Variants in MMP17 observed in about 807,000 individuals in gnomAD.
MMP17 encodes the protein matrix metallopeptidase 17.
MMP17 carries 54 observed loss-of-function variants against 49.1 expected under a neutral mutation model. That is an observed-to-expected ratio of 1.10 (90% CI 0.88 to 1.38). The LOEUF (loss-of-function observed/expected upper bound fraction) is 1.38, where lower values mean the gene tolerates loss of function less well. Among genes scored for constraint, MMP17 ranks in the 40% most tolerant of loss-of-function variants. The pLI is 0.00. For missense variants in MMP17, 837 were observed against 853.7 expected (o/e 0.98, Z 0.24); for synonymous variants, 397 against 383.1 (o/e 1.04, Z -0.42).
Position 131,846,999 on chromosome 12 carries a change from G to A in MMP17, c.1204+1550G>A, listed in dbSNP as rs902829186. Among the ~76,000 whole-genome samples, 1 of 151,962 alleles carries A rather than the reference G, an allele frequency of 6.6e-6. No homozygotes were observed. Among genetic ancestry groups the A allele is most frequent in the African/African-American group, 2.4e-5 (1 of 41,356 alleles). ...CCCTCCTGAAGGGACAGAGGCTGCA[G>A]CTACCTGGGAGGCTGAGGCAGGAGG... On this transcript the variant is annotated intron_variant, in intron 8 of 9. Transcript: ENST00000360564. This position sits in a 1 kb window ranked among gnomAD's most constrained non-coding sequence, Gnocchi z 4.6.
intron 6 of MMP17, chr12:131,844,885 C>T (rs992543317): frequency 1.8e-5 from 10 of 551,020 alleles, no homozygotes; most frequent in African/African-American, 9.5e-5. Flanking sequence ...CTGCCCTCCC[C>T]GCAGCTCCCT....
At chr12:131,845,628 C>T (rs952199853) in intron 8 of MMP17, among the ~76,000 whole-genome samples, 179 bp downstream of exon 8, 2 of 152,194 alleles carry the variant, frequency 1.3e-5, no homozygotes, top group African/African-American at 2.4e-5. Flanking sequence ...CTGTATGCCC[C>T]GTCCTGAGGC....
intron 1 of MMP17, among the ~76,000 whole-genome samples, chr12:131,832,380 T>C (rs1173755443): frequency 3.9e-4 from 4 of 10,282 alleles, no homozygotes; most frequent in African/African-American, 1.7e-3. Flanking sequence ...GAGGATCTTG[T>C]GGGGGAACGG....
At chr12:131,849,037 C>T (rs1887844273) in intron 8 of MMP17, among the ~76,000 whole-genome samples, 1 of 152,222 alleles carries the variant, frequency 6.6e-6, no homozygotes, top group Admixed American at 6.5e-5. Flanking sequence ...CCGGCAGCGC[C>T]CGGCTCTGCC....
chr12:131,848,766 C>T (rs1887831161), intron 8 of MMP17, among the ~76,000 whole-genome samples: 1 of 152,182 alleles, frequency 6.6e-6, no homozygotes, highest in Non-Finnish European at 1.5e-5. Flanking sequence ...TCCTTCCTGG[C>T]TGAGGCTGAG....
rs561420228 is a variant in MMP17, at chr12:131,838,668, G to C, written c.349G>C (p.Val117Leu). 7 of 1,611,024 alleles carry C rather than the reference G, an allele frequency of 4.3e-6. No homozygotes were observed. In the South Asian group the frequency reaches 7.7e-5, roughly 18 times the overall value. The change falls in exon 3 of 10, where the codon GTC becomes CTC. Residue 117 changes from valine to leucine, a missense_variant. Physicochemically the swap from Val to Leu is conservative, Grantham distance 32. Coordinates refer to ENST00000360564, the MANE Select transcript of MMP17 (RefSeq NM_016155.7). ...TPRCSLPDLPVLTQARRRRQA... is the reference protein window; with the variant it reads ...TPRCSLPDLPLLTQARRRRQA... ...ACGCTGCTCCCTGCCAGACCTCCCTGTCCTGACCCAGGCTCGCAGGAGACG... is the reference window on the plus strand; with the variant it reads ...ACGCTGCTCCCTGCCAGACCTCCCTCTCCTGACCCAGGCTCGCAGGAGACG...
rs780812264 is a variant in MMP17 at position 131,851,605 on chromosome 12, G to A, written c.*331G>A. ...GGGGCCCACCCCTCTCTGTGCCGGCGCCACCAACCCCACCCACACTGCTGC... is the reference window on the plus strand; with the variant it reads ...GGGGCCCACCCCTCTCTGTGCCGGCACCACCAACCCCACCCACACTGCTGC... On this transcript the variant is annotated 3_prime_UTR_variant, in exon 10 of 10. Transcript: ENST00000360564. The A allele has an allele frequency of 6.5e-5, 19 of 291,612 alleles. No individual in the cohort carries two copies. The highest frequency in any genetic ancestry group is 2.2e-4 in the East Asian group (4 of 18,560). The allele number at this position is 291,612 out of a possible 1,614,324, so 18.1% of individuals were successfully genotyped here.
At chr12:131,834,347 C>G (rs1213476419) in intron 1 of MMP17, among the ~76,000 whole-genome samples, 1 of 152,144 alleles carries the variant, frequency 6.6e-6, no homozygotes, top group African/African-American at 2.4e-5. Context: ...CCTGCTGCTG[C>G]TGCAGCACCC....
rs1887946526 is a variant in MMP17, at chr12:131,851,060, C to A, written c.1598C>A (p.Ala533Asp). ...CGDSQADGSV[A>D]AGVDAAEGPR... is the part of the protein sequence containing the mutation. The stretch of plus-strand genomic sequence containing the variant: ...GACTCACAGGCCGATGGATCTGTGG[C>A]TGCGGGCGTGGACGCGGCAGAGGGG... The change falls in exon 10 of 10, where the codon GCT becomes GAT. Residue 533 changes from alanine to aspartate, a missense_variant. Coordinates refer to ENST00000360564, the MANE Select transcript of MMP17 (RefSeq NM_016155.7). 1 of 1,608,372 alleles carries A rather than the reference C, an allele frequency of 6.2e-7. No individual in the cohort carries two copies. The highest frequency in any genetic ancestry group is 8.5e-7 in the Non-Finnish European group (1 of 1,177,898).
chr12:131,832,911 A>G (rs1005877672), intron 1 of MMP17, among the ~76,000 whole-genome samples: 17 of 152,150 alleles, frequency 1.1e-4, no homozygotes, highest in African/African-American at 4.1e-4. Flanking sequence ...GCATGTGAGC[A>G]CCGCCCCACG....
intron 5 of MMP17, 117 bp from the exon 6 acceptor site, chr12:131,843,880 C>A: frequency 1.4e-6 from 1 of 716,142 alleles, no homozygotes; most frequent in Non-Finnish European, 2.2e-6. Flanking sequence ...TGCGCCCCCA[C>A]AGAGCCTGTC....
chr12:131,835,113 CG>C (rs898910146), intron 1 of MMP17, among the ~76,000 whole-genome samples: 5 of 152,194 alleles, frequency 3.3e-5, no homozygotes, highest in Non-Finnish European at 5.9e-5. Flanking sequence ...GCCCCCAAGA[CG>C]GCCCCTCCCA....
intron 1 of MMP17, among the ~76,000 whole-genome samples, chr12:131,829,722 A>G (rs939401949): frequency 5.9e-5 from 9 of 152,206 alleles, no homozygotes; most frequent in Non-Finnish European, 1.0e-4. Flanking sequence ...GGTGTATTTC[A>G]GGCAGTCGAG....
chr12:131,845,744 C>T (rs887565584), intron 8 of MMP17, among the ~76,000 whole-genome samples: 18 of 152,140 alleles, frequency 1.2e-4, no homozygotes, highest in African/African-American at 4.3e-4. Flanking sequence ...CAGTGCCGTT[C>T]GGTGTGGTCA....
At chr12:131,847,881 C>T (rs1368099647) in intron 8 of MMP17, among the ~76,000 whole-genome samples, 1 of 152,152 alleles carries the variant, frequency 6.6e-6, no homozygotes. Flanking sequence ...CCTGCTCCCC[C>T]TCTGTCCCCT....
intron 1 of MMP17, among the ~76,000 whole-genome samples, chr12:131,837,393 GGGA>G (rs1887135272): frequency 1.3e-5 from 2 of 152,210 alleles, no homozygotes; most frequent in Non-Finnish European, 2.9e-5. Context: ...CCAAAGTGCT[GGGA>G]TCTCAGGCAT....
chr12:131,850,000 A>G lies in MMP17; in HGVS notation c.1403A>G (p.Gln468Arg). 1 of 1,613,568 alleles carries G rather than the reference A, an allele frequency of 6.2e-7. No homozygotes were observed. The highest frequency in any genetic ancestry group is 8.5e-7 in the Non-Finnish European group (1 of 1,179,866). The change falls in exon 9 of 10, where the codon CAG becomes CGG. Residue 468 changes from glutamine to arginine, a missense_variant. Gln to Arg is a conservative substitution (Grantham distance 43, BLOSUM62 1). Coordinates refer to ENST00000360564, the MANE Select transcript of MMP17 (RefSeq NM_016155.7). Reference sequence around the variant, plus strand: ...CACATGGACCCCGGCTACCCCGCCCAGAGCCCCCTGTGGAGGGGTGTCCCC... The same window carrying G: ...CACATGGACCCCGGCTACCCCGCCCGGAGCCCCCTGTGGAGGGGTGTCCCC... The part of the protein sequence containing the change: ...TRHMDPGYPA[Q>R]SPLWRGVPST...
chr12:131,833,249 A>G (rs967310144), intron 1 of MMP17, among the ~76,000 whole-genome samples: 2 of 152,250 alleles, frequency 1.3e-5, no homozygotes, highest in Non-Finnish European at 2.9e-5. Context: ...TGACGTGGGC[A>G]TGGTTGGGTA....
chr12:131,848,669 A>G (rs2136343356), intron 8 of MMP17, among the ~76,000 whole-genome samples: 1 of 151,890 alleles, frequency 6.6e-6, no homozygotes, highest in South Asian at 2.1e-4. Flanking sequence ...TCAGTGGGAC[A>G]GACAGGATCT....
Sources: allele counts gnomAD v4.1 joint callset (sites outside exome capture counted in the v4.1 genomes callset), GRCh38; gene constraint gnomAD v4.1.1; non-coding constraint Gnocchi (gnomAD v3.1); transcripts MANE v1.5; gene names NCBI Gene and HGNC (gene_info 2026-07-23, HGNC 2026-07-21).